GLIS3: variants seen among roughly 807,000 people sequenced by gnomAD.
GLIS3 encodes GLIS family zinc finger 3.
A neutral mutation model predicts 78.6 loss-of-function variants in GLIS3; 53 were observed. The ratio of observed to expected loss-of-function variants is 0.67; its 90% CI spans 0.54 to 0.85. The LOEUF (loss-of-function observed/expected upper bound fraction) is 0.85. Ranked by LOEUF, GLIS3 falls within the 40% of genes least tolerant of loss-of-function variation. The pLI, the probability that GLIS3 is intolerant of heterozygous loss-of-function variation, is 0.00. For missense variants in GLIS3, 1,703 were observed against 1,231.1 expected (o/e 1.38, Z -5.74); for synonymous variants, 684 against 509.9 (o/e 1.34, Z -4.60).
intron 2 of GLIS3, among the ~76,000 whole-genome samples, chr9:4,266,430 A>AGTT: frequency 6.6e-6 from 1 of 152,174 alleles, no homozygotes; most frequent in East Asian, 1.9e-4. Flanking sequence ...AGACAAAAGA[A>AGTT]CCATCACCAC....
intron 2 of GLIS3, among the ~76,000 whole-genome samples, chr9:4,321,109 G>C (rs1348675044): frequency 6.9e-6 from 1 of 144,202 alleles, no homozygotes; most frequent in Non-Finnish European, 1.5e-5. Flanking sequence ...CCAATACTCA[G>C]CATGGTCTCC....
chr9:3,998,928 C>G (rs1820933122), intron 4 of GLIS3, among the ~76,000 whole-genome samples: 1 of 151,930 alleles, frequency 6.6e-6, no homozygotes, highest in African/African-American at 2.4e-5. Flanking sequence ...TCTGGCTTAT[C>G]TATCCTGTAC....
At chr9:4,418,559 C>T in the GLIS3 span, among the ~76,000 whole-genome samples, 38 of 152,108 alleles carry the variant, frequency 2.5e-4, no homozygotes, top group Middle Eastern at 3.4e-3. Flanking sequence ...ATCAGCTGGG[C>T]GTAGTGGCAG....
intron 4 of GLIS3, among the ~76,000 whole-genome samples, chr9:3,957,245 C>T (rs979585535): frequency 5.3e-5 from 8 of 152,196 alleles, no homozygotes; most frequent in African/African-American, 1.4e-4. Context: ...ACGCTGCCTA[C>T]GCATTAAACC....
intron 2 of GLIS3, among the ~76,000 whole-genome samples, chr9:4,190,583 A>G (rs1180801826): frequency 1.3e-5 from 2 of 149,682 alleles, no homozygotes; most frequent in African/African-American, 4.8e-5. Context: ...GACGGGGAGA[A>G]TGGAACCAAG....
At chr9:4,382,614 G>T in the GLIS3 span, among the ~76,000 whole-genome samples, 1 of 152,108 alleles carries the variant, frequency 6.6e-6, no homozygotes, top group African/African-American at 2.4e-5. Context: ...AAACCTGAGT[G>T]ATCATCAGAA....
intron 4 of GLIS3, among the ~76,000 whole-genome samples, chr9:4,092,241 T>C (rs1829579657): frequency 1.3e-5 from 2 of 150,718 alleles, no homozygotes. Flanking sequence ...AAGCCTCGCC[T>C]CCTGGGTTCA....
the GLIS3 span, among the ~76,000 whole-genome samples, chr9:4,377,142 G>C: frequency 3.7e-5 from 5 of 135,160 alleles, no homozygotes; most frequent in African/African-American, 1.0e-4. Flanking sequence ...TTGTTTCTGG[G>C]TGTGTCTGTG....
At chr9:4,044,182 T>C (rs923423210) in intron 4 of GLIS3, among the ~76,000 whole-genome samples, 4 of 152,166 alleles carry the variant, frequency 2.6e-5, no homozygotes, top group Non-Finnish European at 5.9e-5. Flanking sequence ...ATGAAGTTCT[T>C]ACAACAAAAG....
rs867143698 is a variant in GLIS3 at position 4,147,854 on chromosome 9, C to T, written c.389-21913G>A. ...AAATTATAACATTCTAATGGCTAAA[C>T]TAGGGATGTGTCTGAAAATAGCTAA... On this transcript the variant is annotated intron_variant, in intron 2 of 10. Transcript: ENST00000381971. 2.6e-5 allele frequency among the ~76,000 whole-genome samples: 4 copies of T among 151,622 alleles called. No individual in the cohort carries two copies. In the East Asian group the frequency reaches 7.8e-4, roughly 29 times the overall value.
At chr9:3,964,385 T>C (rs562515305) in intron 4 of GLIS3, among the ~76,000 whole-genome samples, 111 of 152,298 alleles carry the variant, frequency 7.3e-4, no homozygotes, top group Middle Eastern at 6.8e-3. Flanking sequence ...TACATTCTCT[T>C]TGCACTGTAT....
intron 2 of GLIS3, among the ~76,000 whole-genome samples, chr9:4,143,590 A>T (rs2791757): frequency 6.6e-6 from 1 of 151,698 alleles, no homozygotes; most frequent in Admixed American, 6.6e-5. Flanking sequence ...AACAAAAAAA[A>T]ACTACTCTCT....
intron 4 of GLIS3, among the ~76,000 whole-genome samples, chr9:4,078,832 T>A (rs1828297922): frequency 6.6e-6 from 1 of 152,196 alleles, no homozygotes; most frequent in African/African-American, 2.4e-5. Context: ...TTTAGCTACT[T>A]TAGAACTCAG....
chr9:4,271,724 G>C (rs1240649056), intron 2 of GLIS3, among the ~76,000 whole-genome samples: 1 of 152,096 alleles, frequency 6.6e-6, no homozygotes, highest in Non-Finnish European at 1.5e-5. Flanking sequence ...CTTGAATAAG[G>C]TACTTGGGGA....
At chr9:3,963,843 C>G (rs1817742320) in intron 4 of GLIS3, among the ~76,000 whole-genome samples, 1 of 151,988 alleles carries the variant, frequency 6.6e-6, no homozygotes, top group Non-Finnish European at 1.5e-5. Flanking sequence ...GGAGACAGTG[C>G]TGGCAAGGGC....
At chr9:4,201,153 C>G (rs977857982) in intron 2 of GLIS3, among the ~76,000 whole-genome samples, 2 of 152,074 alleles carry the variant, frequency 1.3e-5, no homozygotes, top group African/African-American at 4.8e-5. Flanking sequence ...GATAAAAAAC[C>G]TCAAGAAACT....
the GLIS3 span, among the ~76,000 whole-genome samples, chr9:4,393,670 G>A: frequency 6.6e-6 from 1 of 152,114 alleles, no homozygotes; most frequent in African/African-American, 2.4e-5. Context: ...CATTGAATTT[G>A]GCTGATGTTT....
chr9:4,314,225 C>G (rs755990350), intron 2 of GLIS3, among the ~76,000 whole-genome samples: 4 of 152,184 alleles, frequency 2.6e-5, no homozygotes, highest in Non-Finnish European at 5.9e-5. Context: ...ATTGTAAGCA[C>G]TCAAATGTGA....
intron 4 of GLIS3, among the ~76,000 whole-genome samples, chr9:4,093,061 C>G (rs1336475768): frequency 6.6e-6 from 1 of 152,106 alleles, no homozygotes; most frequent in Non-Finnish European, 1.5e-5. Flanking sequence ...TGTACATAGC[C>G]ACTCTTTGAC....
Sources: gnomAD v4.1 joint callset for allele counts (sites outside exome capture counted in the v4.1 genomes callset) on GRCh38, gnomAD v4.1.1 for gene constraint, MANE v1.5 for transcripts, NCBI Gene and HGNC (gene_info 2026-07-23, HGNC 2026-07-21) for gene names.